Variants in CEP70 observed in about 807,000 individuals in gnomAD.
CEP70 encodes the protein centrosomal protein of 70 kDa.
Under a neutral mutation model 90.9 loss-of-function variants are expected in CEP70, and 70 were observed. The ratio of observed to expected loss-of-function variants is 0.77; its 90% CI spans 0.64 to 0.94. The LOEUF is 0.94. Among genes scored for constraint, CEP70 ranks in the 40% least tolerant of loss-of-function variants. CEP70 has a pLI of 0.00. For missense variants in CEP70, 648 were observed against 669.0 expected (o/e 0.97, Z 0.35); for synonymous variants, 220 against 228.3 (o/e 0.96, Z 0.33).
Position 138,505,430 on chromosome 3 carries a change from TG to T in CEP70, c.1085del (p.Pro362GlnfsTer5). On this transcript the variant is annotated frameshift_variant, in exon 13 of 18. Coordinates refer to ENST00000264982, the MANE Select transcript of CEP70 (RefSeq NM_024491.4). LOFTEE classifies it high-confidence loss of function. ...LCSINSIIHNPRAPVIIYKQT... is the reference protein window; with the variant it reads ...LCSINSIIHNXRAPVIIYKQT... ...GTTTATAAATTATTACTGGAGCTCT[TG>T]GATTGTGGATAATTGAATTGATGCT... 6.2e-7 allele frequency: 1 copy of T among 1,608,090 alleles called. No individual in the cohort carries two copies.
chr3:138,556,461 G>C (rs555230400), intron 6 of CEP70, among the ~76,000 whole-genome samples: 260 of 144,498 alleles, frequency 1.8e-3, no homozygotes, highest in Admixed American at 4.0e-3. Context: ...CCGGGAGGCA[G>C]AGGTTGTGGT....
chr3:138,563,647 A>G (rs1466680188), intron 6 of CEP70, among the ~76,000 whole-genome samples: 2 of 152,206 alleles, frequency 1.3e-5, no homozygotes, highest in Admixed American at 1.3e-4. Flanking sequence ...CTTTGAAACC[A>G]ATGAGAACAA....
At chr3:138,568,995 A>C (rs28537119) in intron 6 of CEP70, among the ~76,000 whole-genome samples, 85,675 of 146,692 alleles carry the variant, frequency 0.58, 24,980 homozygotes, top group East Asian at 0.94. Context: ...AAAAACAAAC[A>C]AAAAAAAAAC....
At chr3:138,556,868 G>A (rs1381235354) in intron 6 of CEP70, among the ~76,000 whole-genome samples, 1 of 152,140 alleles carries the variant, frequency 6.6e-6, no homozygotes, top group Admixed American at 6.5e-5. Context: ...ACAGACCGGG[G>A]CGAAATTAAA....
intron 6 of CEP70, among the ~76,000 whole-genome samples, chr3:138,563,218 C>G (rs1035198697): frequency 6.6e-6 from 1 of 152,124 alleles, no homozygotes; most frequent in African/African-American, 2.4e-5. Context: ...TAGAGACCTA[C>G]AAAGAGACTC....
intron 13 of CEP70, among the ~76,000 whole-genome samples, chr3:138,502,775 GTC>G (rs2034632919): frequency 6.6e-6 from 1 of 152,154 alleles, no homozygotes; most frequent in African/African-American, 2.4e-5. Flanking sequence ...ATATAAGAGG[GTC>G]TCCTAGGTTC....
At position 138,524,826 on chromosome 3, in the gene CEP70, C is replaced by T. The variant is rs2037045713; in HGVS notation, c.944+664G>A. ...TTTACACTGTTGGTGGAACTGTAAA[C>T]TAGTTCAACCATTGTGGAAGACAGT... On this transcript the variant is annotated intron_variant, in intron 11 of 17. Transcript: ENST00000264982. Among the ~76,000 whole-genome samples the T allele has an allele frequency of 1.3e-5, 2 of 152,296 alleles. 1 individual carries two copies. The highest frequency in any genetic ancestry group is 4.1e-4 in the South Asian group (2 of 4,826).
chr3:138,532,344 TCTTGA>T (rs1005970150), intron 8 of CEP70, among the ~76,000 whole-genome samples, 165 bp downstream of exon 8: 59 of 152,226 alleles, frequency 3.9e-4, no homozygotes, highest in African/African-American at 1.4e-3. Context: ...CAACAATACA[TCTTGA>T]CTTAAGTTGT....
intron 12 of CEP70, 149 bp from the exon 13 acceptor site, chr3:138,505,614 G>A: frequency 2.1e-6 from 1 of 472,680 alleles, no homozygotes; most frequent in Non-Finnish European, 3.4e-6. Context: ...ATTGGCTCAT[G>A]CAATTATGAA....
At chr3:138,545,537 A>C (rs2039119152) in intron 6 of CEP70, among the ~76,000 whole-genome samples, 1 of 152,220 alleles carries the variant, frequency 6.6e-6, no homozygotes, top group African/African-American at 2.4e-5. Context: ...AGAACAGAAT[A>C]ACAGTGATTT....
intron 1 of CEP70, among the ~76,000 whole-genome samples, 193 bp from the exon 2 acceptor site, chr3:138,592,149 C>G (rs2042415869): frequency 6.6e-6 from 1 of 152,196 alleles, no homozygotes; most frequent in African/African-American, 2.4e-5. Flanking sequence ...CTCTCTCCTT[C>G]TTATCTTTCC....
intron 11 of CEP70, among the ~76,000 whole-genome samples, chr3:138,517,308 T>C (rs928211899): frequency 4.6e-5 from 7 of 152,196 alleles, no homozygotes; most frequent in African/African-American, 1.4e-4. Flanking sequence ...AATGTCATTT[T>C]CCCCATCAGC....
chr3:138,570,255 T>A (rs2041072745), intron 6 of CEP70, 63 bp downstream of exon 6: 1 of 1,104,608 alleles, frequency 9.1e-7, no homozygotes, highest in South Asian at 1.7e-5. Context: ...GGAAGTCACC[T>A]GGGACCATAA....
At position 138,588,480 on chromosome 3, in the gene CEP70, C is replaced by T. The variant is rs575102835; in HGVS notation, c.-6+3374G>A. Among the ~76,000 whole-genome samples the T allele has an allele frequency of 8.5e-5, 13 of 152,232 alleles. No individual in the cohort carries two copies. The East Asian group carries it at 2.5e-3, about 29-fold the overall frequency. On this transcript the variant is annotated intron_variant, in intron 2 of 17. Transcript: ENST00000264982. ...AGAAGACATACAGATGGCAGCTAGG[C>T]ACACAAAAAGATGCTAAACATTGTT...
intron 17 of CEP70, chr3:138,496,616 T>G: frequency 2.0e-6 from 2 of 985,392 alleles, no homozygotes; most frequent in Non-Finnish European, 2.4e-6. Context: ...AGAAAAAGAA[T>G]GGATTGTTTT....
At chr3:138,580,139 G>A (rs2041776403) in intron 2 of CEP70, among the ~76,000 whole-genome samples, 1 of 151,994 alleles carries the variant, frequency 6.6e-6, no homozygotes, top group Non-Finnish European at 1.5e-5. Flanking sequence ...AAAGGGGAGG[G>A]AAAAATGGGA....
chr3:138,573,493 T>C (rs552655940), intron 2 of CEP70, among the ~76,000 whole-genome samples: 1 of 152,198 alleles, frequency 6.6e-6, no homozygotes, highest in African/African-American at 2.4e-5. Context: ...AGTGAAAACA[T>C]TCATTAACGA....
At chr3:138,496,683 C>T (rs975543944) in intron 17 of CEP70, 42 of 985,202 alleles carry the variant, frequency 4.3e-5, no homozygotes, top group Middle Eastern at 5.2e-4. Context: ...CCTGCACCTA[C>T]ATGCTTAGTG....
chr3:138,541,051 T>G (rs1187563220), intron 6 of CEP70, among the ~76,000 whole-genome samples: 2 of 152,112 alleles, frequency 1.3e-5, no homozygotes, highest in Non-Finnish European at 2.9e-5. Flanking sequence ...TGAGAACTTA[T>G]GAACACAAAG....
Sources: allele counts gnomAD v4.1 joint callset (sites outside exome capture counted in the v4.1 genomes callset), GRCh38; gene constraint gnomAD v4.1.1; transcripts MANE v1.5; gene names NCBI Gene and HGNC (gene_info 2026-07-23, HGNC 2026-07-21).